The following ANKFN1 variants were observed in gnomAD, a reference collection of about 807,000 sequenced individuals.
ANKFN1 encodes ankyrin repeat and fibronectin type-III domain-containing protein 1.
A neutral mutation model predicts 108.7 loss-of-function variants in ANKFN1; 74 were observed. The observed-to-expected ratio is 0.68, with a 90% confidence interval of 0.56 to 0.83. ANKFN1 has a LOEUF of 0.83. Ranked by LOEUF, ANKFN1 falls within the 40% of genes least tolerant of loss-of-function variation. The pLI is 0.00. For missense variants in ANKFN1, 1,505 were observed against 1,382.3 expected, an observed-to-expected ratio of 1.09 and a Z score of -1.41; for synonymous variants, 547 against 516.2, an observed-to-expected ratio of 1.06 and a Z score of -0.81.
chr17:56,165,707 G>A (rs1378854271), intron 1 of ANKFN1, among the ~76,000 whole-genome samples: 4 of 152,030 alleles, frequency 2.6e-5, no homozygotes, highest in African/African-American at 4.8e-5. Flanking sequence ...CTTTAGCCTG[G>A]AATACAGGAT....
intron 8 of ANKFN1, among the ~76,000 whole-genome samples, chr17:56,397,272 A>G (rs1177780703): frequency 6.6e-6 from 1 of 152,138 alleles, no homozygotes; most frequent in African/African-American, 2.4e-5. Flanking sequence ...CTGCCTACAC[A>G]TTCACCGCAT....
chr17:56,315,964 T>G (rs2045196189), intron 3 of ANKFN1, among the ~76,000 whole-genome samples: 1 of 152,198 alleles, frequency 6.6e-6, no homozygotes, highest in South Asian at 2.1e-4. Flanking sequence ...TTTCTTTTTG[T>G]TTTTCCTCCT....
At chr17:56,053,512 T>TATA (rs1261197145) in intron 4 of ANKFN1, among the ~76,000 whole-genome samples, 1 of 152,230 alleles carries the variant, frequency 6.6e-6, no homozygotes, top group Non-Finnish European at 1.5e-5. Context: ...TAAATAGTAC[T>TATA]CCATTGTGTA....
intron 3 of ANKFN1, among the ~76,000 whole-genome samples, chr17:56,284,398 T>C (rs1376098812): frequency 6.6e-6 from 1 of 152,198 alleles, no homozygotes; most frequent in Non-Finnish European, 1.5e-5. Context: ...ACTCCTATGA[T>C]ATTTCCTTTT....
At chr17:56,179,150 T>C (rs1298041434) in intron 1 of ANKFN1, among the ~76,000 whole-genome samples, 1 of 152,194 alleles carries the variant, frequency 6.6e-6, no homozygotes, top group Non-Finnish European at 1.5e-5. Flanking sequence ...ACCAACTTTA[T>C]TTTAACCAGG....
chr17:56,226,684 G>C (rs922444788), intron 2 of ANKFN1, among the ~76,000 whole-genome samples: 1 of 152,034 alleles, frequency 6.6e-6, no homozygotes, highest in Non-Finnish European at 1.5e-5. Context: ...TTACAACTTG[G>C]CCTTCTGATA....
At chr17:56,118,495 C>G (rs747495897) in intron 4 of ANKFN1, among the ~76,000 whole-genome samples, 2 of 151,944 alleles carry the variant, frequency 1.3e-5, no homozygotes, top group Non-Finnish European at 2.9e-5. Context: ...TACTTATGTC[C>G]CTTATTAGTC....
intron 8 of ANKFN1, among the ~76,000 whole-genome samples, chr17:56,387,200 A>C (rs1044692309): frequency 8.6e-5 from 13 of 151,802 alleles, no homozygotes; most frequent in African/African-American, 2.7e-4. Context: ...GGCTTACTTT[A>C]TTGTTTCCTT....
chr17:56,125,281 T>C (rs917469305), intron 4 of ANKFN1, among the ~76,000 whole-genome samples: 4 of 152,206 alleles, frequency 2.6e-5, no homozygotes, highest in African/African-American at 4.8e-5. Flanking sequence ...TCCAGCAATA[T>C]GCTTTGCACA....
chr17:56,128,105 T>C (rs1907043187), intron 4 of ANKFN1, among the ~76,000 whole-genome samples: 1 of 152,156 alleles, frequency 6.6e-6, no homozygotes, highest in Non-Finnish European at 1.5e-5. Flanking sequence ...TCATAGGAGT[T>C]TGTAGTCTGC....
chr17:56,324,123 T>TA (rs1271145937), intron 3 of ANKFN1, among the ~76,000 whole-genome samples: 13 of 152,092 alleles, frequency 8.5e-5, no homozygotes, highest in African/African-American at 3.1e-4. Flanking sequence ...TCCAAGGAAC[T>TA]AAGAGATATT....
At chr17:56,374,577 CT>C in intron 7 of ANKFN1, 23 bp from the exon 8 acceptor site, 1 of 1,546,606 alleles carries the variant, frequency 6.5e-7, no homozygotes, top group Non-Finnish European at 8.9e-7. Context: ...TGTTAAGATC[CT>C]TGTGTTTTTC....
intron 10 of ANKFN1, among the ~76,000 whole-genome samples, chr17:56,444,972 T>C (rs998704058): frequency 2.0e-5 from 3 of 152,180 alleles, no homozygotes; most frequent in Non-Finnish European, 4.4e-5. Context: ...GACAGGGCCT[T>C]GGACCACCGA....
chr17:56,431,680 TG>T (rs1223640023), intron 8 of ANKFN1, among the ~76,000 whole-genome samples: 5 of 152,222 alleles, frequency 3.3e-5, no homozygotes, highest in African/African-American at 1.2e-4. Context: ...ATCTTTTCAA[TG>T]GATGAGGTAA....
intron 1 of ANKFN1, among the ~76,000 whole-genome samples, chr17:56,207,543 C>A (rs1452916850): frequency 1.3e-5 from 2 of 152,182 alleles, no homozygotes; most frequent in Non-Finnish European, 2.9e-5. Context: ...TATGCTACTT[C>A]ATTGATAGCC....
In ANKFN1 at chr17:56,085,180, C is replaced by CATATATATATATATATATATAT. The variant is rs10572105; in HGVS notation, c.288+38862_288+38883dup. ...TCTGGTTAAATGTTGCCCTCCAAAG[C>CATATATATATATATATATATAT]ATATATATATATATATATATATATA... is the stretch of plus-strand genomic sequence containing the variant. On this transcript the variant is annotated intron_variant, in intron 4 of 12. Coordinates refer to the ANKFN1 transcript ENST00000635860. Among the ~76,000 whole-genome samples the CATATATATATATATATATATAT allele has an allele frequency of 1.2e-3, 163 of 137,708 alleles. 1 individual carries two copies. The highest frequency in any genetic ancestry group is 4.5e-3 in the African/African-American group (161 of 35,642). 90.3% of individuals were successfully genotyped at this position (137,708 alleles called of 152,430 possible). A position where few individuals can be genotyped will look rare whatever the true frequency, so the allele number is the denominator to read the frequency against.
At chr17:56,278,158 G>A (rs2043982233) in intron 3 of ANKFN1, among the ~76,000 whole-genome samples, 3 of 152,174 alleles carry the variant, frequency 2.0e-5, no homozygotes, top group South Asian at 2.1e-4. Context: ...GATCAAAGCA[G>A]CTTATATCTC....
At chr17:56,098,427 C>A (rs1194563532) in intron 4 of ANKFN1, among the ~76,000 whole-genome samples, 6 of 144,560 alleles carry the variant, frequency 4.2e-5, no homozygotes, top group African/African-American at 1.7e-4. Context: ...AACACACACA[C>A]ACACACACAC....
At chr17:56,336,145 A>G (rs59301187) in intron 4 of ANKFN1, among the ~76,000 whole-genome samples, 62,087 of 152,060 alleles carry the variant, frequency 0.41, 15,270 homozygotes, top group East Asian at 0.56. Context: ...TTTCGCATCG[A>G]TGTTCATCAG....
Sources: gnomAD v4.1 joint callset for allele counts (sites outside exome capture counted in the v4.1 genomes callset) on GRCh38, gnomAD v4.1.1 for gene constraint, MANE v1.5 for transcripts, NCBI Gene and HGNC (gene_info 2026-07-23, HGNC 2026-07-21) for gene names.